PKIB: variants seen among roughly 807,000 people sequenced by gnomAD.
PKIB encodes cAMP-dependent protein kinase inhibitor beta, also known as PKI-beta.
PKIB carries 2 observed loss-of-function variants against 4.5 expected under a neutral mutation model. The observed-to-expected ratio is 0.44, with a 90% confidence interval of 0.18 to 1.39. PKIB has a LOEUF of 1.39. PKIB is among the 40% of genes most tolerant of loss of function. The pLI is 0.27. For synonymous variants in PKIB, 38 were observed against 36.0 expected, an observed-to-expected ratio of 1.06 and a Z score of -0.20; for missense variants, 94 against 92.6, an observed-to-expected ratio of 1.02 and a Z score of -0.06.
chr6:122,553,601 GA>G (rs1381289222), intron 2 of PKIB, among the ~76,000 whole-genome samples: 1 of 148,504 alleles, frequency 6.7e-6, no homozygotes, highest in African/African-American at 2.5e-5. Flanking sequence ...CTGTCTCCCT[GA>G]GTTTACAGTG....
At chr6:122,712,758 T>C (rs1158589097) in intron 3 of PKIB, among the ~76,000 whole-genome samples, 1 of 152,184 alleles carries the variant, frequency 6.6e-6, no homozygotes, top group Non-Finnish European at 1.5e-5. Flanking sequence ...GATATGTATC[T>C]GGAGATGAGA....
At chr6:122,501,576 C>T (rs747762470) in intron 2 of PKIB, among the ~76,000 whole-genome samples, 50 of 152,300 alleles carry the variant, frequency 3.3e-4, no homozygotes, top group Non-Finnish European at 5.7e-4. Flanking sequence ...CCCCTTTTAG[C>T]GATGGCTGGA....
chr6:122,590,548 C>T (rs1032859838), intron 3 of PKIB, among the ~76,000 whole-genome samples: 2 of 152,088 alleles, frequency 1.3e-5, no homozygotes, highest in South Asian at 2.1e-4. Context: ...TTTTCTCCCT[C>T]CAGTGGAAGT....
At chr6:122,605,825 T>C (rs910929605), upstream of PKIB, among the ~76,000 whole-genome samples, 1 of 152,200 alleles carries the variant, frequency 6.6e-6, no homozygotes, top group Non-Finnish European at 1.5e-5. Flanking sequence ...AATCTTCTGA[T>C]TTTCATATGT....
intron 2 of PKIB, among the ~76,000 whole-genome samples, chr6:122,668,446 G>A (rs1281650707): frequency 1.3e-5 from 2 of 152,142 alleles, no homozygotes; most frequent in East Asian, 3.9e-4. Context: ...TTATGAAAAT[G>A]TTCTGGTAAA....
At chr6:122,503,608 G>A (rs1207451451) in intron 2 of PKIB, among the ~76,000 whole-genome samples, 1 of 152,042 alleles carries the variant, frequency 6.6e-6, no homozygotes, top group Non-Finnish European at 1.5e-5. Flanking sequence ...CTTCAGGAAG[G>A]ATTTATCTCA....
At chr6:122,644,556 C>T (rs963134719) in intron 2 of PKIB, 31 of 152,116 alleles carry the variant, frequency 2.0e-4, no homozygotes, top group African/African-American at 5.3e-4. Flanking sequence ...TAGTGCCTCT[C>T]CCCCAGCGTT....
chr6:122,719,709 CCACACATACACACACACACA>C (rs1477172268), intron 4 of PKIB, among the ~76,000 whole-genome samples: 2,230 of 137,882 alleles, frequency 0.016, 48 homozygotes, highest in African/African-American at 0.053. Context: ...AGTGTTCCCA[CCACACATACACACACACACA>C]CACACACACA....
At chr6:122,474,765 G>A (rs1354831187) in intron 1 of PKIB, among the ~76,000 whole-genome samples, 2 of 152,166 alleles carry the variant, frequency 1.3e-5, no homozygotes, top group African/African-American at 4.8e-5. Flanking sequence ...CAGGCTTAAG[G>A]TTTTCCTTAG....
chr6:122,611,458 G>A (rs1449573092), intron 1 of PKIB, among the ~76,000 whole-genome samples: 2 of 152,188 alleles, frequency 1.3e-5, no homozygotes, highest in Non-Finnish European at 2.9e-5. Context: ...TTATTAGCTG[G>A]AGTCTGTGCA....
At chr6:122,541,141 G>A (rs1467389995) in intron 2 of PKIB, among the ~76,000 whole-genome samples, 5 of 151,428 alleles carry the variant, frequency 3.3e-5, no homozygotes, top group African/African-American at 1.2e-4. Context: ...TATCCAATTT[G>A]CCAGTCTGTG....
intron 1 of PKIB, among the ~76,000 whole-genome samples, chr6:122,617,532 A>G (rs1775045336): frequency 6.6e-6 from 1 of 152,214 alleles, no homozygotes; most frequent in South Asian, 2.1e-4. Context: ...GAAACACTGG[A>G]GGAAACAAAA....
intron 3 of PKIB, among the ~76,000 whole-genome samples, chr6:122,684,250 C>T (rs925256616): frequency 3.3e-5 from 5 of 152,240 alleles, no homozygotes; most frequent in African/African-American, 1.2e-4. Context: ...AATGAGTAAG[C>T]TCTACAGATC....
chr6:122,646,949 C>T (rs1776343513), intron 2 of PKIB, among the ~76,000 whole-genome samples: 1 of 152,006 alleles, frequency 6.6e-6, no homozygotes, highest in Non-Finnish European at 1.5e-5. Context: ...TTTACATGCC[C>T]TCACAATCTA....
At chr6:122,714,699 G>A (rs577450016) in intron 3 of PKIB, among the ~76,000 whole-genome samples, 4 of 152,210 alleles carry the variant, frequency 2.6e-5, no homozygotes, top group South Asian at 2.1e-4. Flanking sequence ...GGAGGTGGGA[G>A]AGCTGCAGAA....
intron 1 of PKIB, among the ~76,000 whole-genome samples, chr6:122,632,467 T>G (rs1582757708): frequency 6.6e-6 from 1 of 152,224 alleles, no homozygotes; most frequent in East Asian, 1.9e-4. Flanking sequence ...AACCCAGTGA[T>G]CAGCTGTGGC....
chr6:122,605,450 G>A (rs1050756170), upstream of PKIB, among the ~76,000 whole-genome samples: 2 of 152,104 alleles, frequency 1.3e-5, no homozygotes, highest in Admixed American at 6.6e-5. Context: ...CACTGATTTC[G>A]ACATTTCCTT....
At chr6:122,656,124 C>CAAATATTTATATAT (rs2114896749) in intron 2 of PKIB, among the ~76,000 whole-genome samples, 1 of 152,084 alleles carries the variant, frequency 6.6e-6, no homozygotes, top group East Asian at 1.9e-4. Context: ...TTAGCACTTA[C>CAAATATTTATATAT]AAATATTTAT....
chr6:122,702,195 C>T (rs569958708), intron 3 of PKIB, among the ~76,000 whole-genome samples: 8 of 151,570 alleles, frequency 5.3e-5, no homozygotes, highest in African/African-American at 1.5e-4. Context: ...CTATGTAATC[C>T]GAACAAAAGT....
Sources: allele counts gnomAD v4.1 joint callset (sites outside exome capture counted in the v4.1 genomes callset), GRCh38; gene constraint gnomAD v4.1.1; transcripts MANE v1.5; gene names NCBI Gene and HGNC (gene_info 2026-07-23, HGNC 2026-07-21).